The following NXPH1 variants were observed in gnomAD, a reference collection of about 807,000 sequenced individuals.
NXPH1 encodes neurexophilin-1.
Under a neutral mutation model 23.7 loss-of-function variants are expected in NXPH1, and 5 were observed. The ratio of observed to expected loss-of-function variants is 0.21; its 90% CI spans 0.11 to 0.44. NXPH1 has a LOEUF of 0.44. Ranked by LOEUF, NXPH1 falls within the 20% of genes least tolerant of loss-of-function variation. NXPH1 has a pLI of 0.99. For synonymous variants in NXPH1, 144 were observed against 122.2 expected, an observed-to-expected ratio of 1.18 and a Z score of -1.18; for missense variants, 324 against 321.6, an observed-to-expected ratio of 1.01 and a Z score of -0.06.
At chr7:8,613,620 A>G (rs1246058111) in intron 2 of NXPH1, among the ~76,000 whole-genome samples, 2 of 152,010 alleles carry the variant, frequency 1.3e-5, no homozygotes, top group South Asian at 2.1e-4. Flanking sequence ...ACCAGCAACC[A>G]TTATCTATCT....
chr7:8,467,741 C>G (rs1816808169), intron 2 of NXPH1, among the ~76,000 whole-genome samples: 1 of 152,108 alleles, frequency 6.6e-6, no homozygotes, highest in Non-Finnish European at 1.5e-5. Context: ...ATACAGTGGT[C>G]AGTAACAAGA....
At chr7:8,512,867 G>C (rs1817632930) in intron 2 of NXPH1, among the ~76,000 whole-genome samples, 1 of 152,026 alleles carries the variant, frequency 6.6e-6, no homozygotes, top group African/African-American at 2.4e-5. Flanking sequence ...AACCAAATTA[G>C]AATTCTAACT....
chr7:8,521,561 G>C (rs185885163), intron 2 of NXPH1, among the ~76,000 whole-genome samples: 140 of 152,270 alleles, frequency 9.2e-4, no homozygotes, highest in African/African-American at 3.1e-3. Flanking sequence ...TTGCCAGATG[G>C]AGGGAGCTGG....
chr7:8,647,885 T>A (rs1820421039), intron 2 of NXPH1, among the ~76,000 whole-genome samples: 1 of 152,104 alleles, frequency 6.6e-6, no homozygotes, highest in African/African-American at 2.4e-5. Flanking sequence ...TATTTCCCTA[T>A]GACTGTGTTT....
At chr7:8,736,802 G>T (rs957737640) in intron 2 of NXPH1, among the ~76,000 whole-genome samples, 5 of 152,116 alleles carry the variant, frequency 3.3e-5, no homozygotes, top group Non-Finnish European at 7.4e-5. Context: ...TTATGAATAT[G>T]GGTGCTCCTA....
chr7:8,657,003 T>G (rs1368562524), intron 2 of NXPH1, among the ~76,000 whole-genome samples: 1 of 152,212 alleles, frequency 6.6e-6, no homozygotes, highest in African/African-American at 2.4e-5. Context: ...CAGAGTAAGA[T>G]TCGAGTTTCC....
chr7:8,578,536 G>A lies in NXPH1; in HGVS notation c.54+142769G>A, dbSNP rs80014171. Among the ~76,000 whole-genome samples the A allele has an allele frequency of 9.9e-3, 1,513 of 152,282 alleles. 30 individuals are homozygous for A. Among genetic ancestry groups the A allele is most frequent in the African/African-American group, 0.035 (1,444 of 41,536 alleles). ...GCAATTTACTTTTGCAGTTCACCAA[G>A]TACTTTCATACAATAACTATAGTCC... On this transcript the variant is annotated intron_variant, in intron 2 of 2. Coordinates refer to ENST00000405863, the MANE Select transcript of NXPH1 (RefSeq NM_152745.3).
In NXPH1 at chr7:8,707,621, T is replaced by C. The variant is rs138321038; in HGVS notation, c.55-43387T>C. ...ATATATACTCATCATCTCATACAGA[T>C]CCATCAGGATCTGTAGGTCAGTTTG... is the stretch of plus-strand genomic sequence containing the variant. On this transcript the variant is annotated intron_variant, in intron 2 of 2. Transcript: ENST00000405863. Among the ~76,000 whole-genome samples, 311 of 152,202 alleles carry C rather than the reference T, an allele frequency of 2.0e-3. 1 individual carries two copies. Among genetic ancestry groups the C allele is most frequent in the Middle Eastern group, 0.014 (4 of 294 alleles).
At position 8,480,711 on chromosome 7, in the gene NXPH1, T is replaced by C. The variant is rs971291456; in HGVS notation, c.54+44944T>C. The stretch of plus-strand genomic sequence containing the variant: ...CTAGAGTTGATCTTTATTTAATTTA[T>C]CCATCTATCGTGTGAACTTTGCCAC... On this transcript the variant is annotated intron_variant, in intron 2 of 2. Transcript: ENST00000405863. 4.3e-4 allele frequency among the ~76,000 whole-genome samples: 66 copies of C among 152,118 alleles called. 1 individual carries two copies. Among genetic ancestry groups the C allele is most frequent in the Non-Finnish European group, 3.7e-4 (25 of 68,020 alleles).
intron 2 of NXPH1, among the ~76,000 whole-genome samples, chr7:8,639,559 T>C (rs1583209965): frequency 6.6e-6 from 1 of 152,322 alleles, no homozygotes; most frequent in East Asian, 1.9e-4. Flanking sequence ...ATTTTCTTAA[T>C]TATTAGTGAG....
At chr7:8,525,916 G>A (rs1817854107) in intron 2 of NXPH1, among the ~76,000 whole-genome samples, 1 of 152,230 alleles carries the variant, frequency 6.6e-6, no homozygotes, top group Admixed American at 6.5e-5. Flanking sequence ...TGTGGGGTTG[G>A]AGCCCCCACA....
At chr7:8,619,118 G>T (rs916805015) in intron 2 of NXPH1, among the ~76,000 whole-genome samples, 1 of 152,124 alleles carries the variant, frequency 6.6e-6, no homozygotes, top group African/African-American at 2.4e-5. Flanking sequence ...TTGATTTTAG[G>T]ATTATGTCTG....
intron 2 of NXPH1, among the ~76,000 whole-genome samples, chr7:8,636,236 G>A (rs1057124675): frequency 6.6e-6 from 1 of 152,300 alleles, no homozygotes; most frequent in Admixed American, 6.5e-5. Flanking sequence ...GTAAATGTAA[G>A]TGAAAGTTCC....
intron 2 of NXPH1, among the ~76,000 whole-genome samples, chr7:8,571,485 CA>C (rs1331654121): frequency 3.1e-4 from 47 of 151,772 alleles, no homozygotes; most frequent in African/African-American, 1.1e-3. Context: ...GCCTGTAGGA[CA>C]TGGAAGATCC....
intron 2 of NXPH1, among the ~76,000 whole-genome samples, chr7:8,527,762 C>T (rs1342705642): frequency 6.6e-6 from 1 of 152,162 alleles, no homozygotes; most frequent in Admixed American, 6.5e-5. Flanking sequence ...AATTGTTTGA[C>T]AGACATTTTC....
chr7:8,668,749 C>T (rs146521059), intron 2 of NXPH1, among the ~76,000 whole-genome samples: 46 of 151,992 alleles, frequency 3.0e-4, no homozygotes, highest in Non-Finnish European at 5.0e-4. Flanking sequence ...GGTGCTGCAG[C>T]AGGCCTGAAG....
At chr7:8,698,957 G>C (rs1370517634) in intron 2 of NXPH1, among the ~76,000 whole-genome samples, 1 of 152,088 alleles carries the variant, frequency 6.6e-6, no homozygotes, top group East Asian at 1.9e-4. Flanking sequence ...TTGTAGTAGA[G>C]TATGCTGCTT....
chr7:8,730,711 C>T (rs901056121), intron 2 of NXPH1, among the ~76,000 whole-genome samples: 1 of 152,134 alleles, frequency 6.6e-6, no homozygotes, highest in African/African-American at 2.4e-5. Context: ...GAGAGATCCG[C>T]TGTTAGTCTG....
chr7:8,520,211 A>C (rs1189249876), intron 2 of NXPH1, among the ~76,000 whole-genome samples: 1 of 152,164 alleles, frequency 6.6e-6, no homozygotes, highest in Non-Finnish European at 1.5e-5. Context: ...CATTGCCGCT[A>C]TCCATCCTCT....
Sources: gnomAD v4.1 joint callset for allele counts (sites outside exome capture counted in the v4.1 genomes callset) on GRCh38, gnomAD v4.1.1 for gene constraint, MANE v1.5 for transcripts, NCBI Gene and HGNC (gene_info 2026-07-23, HGNC 2026-07-21) for gene names.